The following FRMPD4 variants were observed in gnomAD, a reference collection of about 807,000 sequenced individuals.
FRMPD4 encodes FERM and PDZ domain-containing protein 4.
A neutral mutation model predicts 94.1 loss-of-function variants in FRMPD4; 22 were observed. That is an observed-to-expected ratio of 0.23 (90% CI 0.17 to 0.33). The LOEUF (loss-of-function observed/expected upper bound fraction) is 0.33, where lower values mean the gene tolerates loss of function less well. FRMPD4 is among the 10% of genes least tolerant of loss of function. The probability of loss-of-function intolerance (pLI) is 1.00; values close to 1 mark genes in which losing one functional copy is unlikely to be tolerated. For synonymous variants in FRMPD4, 631 were observed against 548.6 expected (o/e 1.15, Z -2.10); for missense variants, 1,111 against 1,339.9 (o/e 0.83, Z 2.67).
intron 3 of FRMPD4, among the ~76,000 whole-genome samples, chrX:11,990,281 T>C (rs6639118): frequency 0.064 from 7,159 of 111,572 alleles, 252 homozygotes; most frequent in East Asian, 0.23. Flanking sequence ...AGAAAGCAGA[T>C]TAATGGTTTC....
intron 1 of FRMPD4, among the ~76,000 whole-genome samples, chrX:12,453,979 A>G (rs16998935): frequency 0.027 from 3,014 of 112,341 alleles, 118 homozygotes; most frequent in African/African-American, 0.093. Context: ...CACATGTTCT[A>G]TTTTGTAAAT....
rs1294514724 is a variant in FRMPD4, at chrX:12,690,308, A to G, written c.795A>G (p.Glu265=). Residue 265 remains glutamate, a synonymous_variant, in exon 8 of 17, where the codon GAA becomes GAG. Transcript: ENST00000675598. ...GAACGAAGCTGCTCTTGCTTCATGA[A>G]CAGGAGACTCTAACTCAGGTCTGTG... ...GAGTKLLLLH[E]QETLTQVTQR... 7.5e-6 allele frequency: 9 copies of G among 1,207,986 alleles called. No homozygotes were observed. The highest frequency in any genetic ancestry group is 1.0e-5 in the Non-Finnish European group (9 of 893,513).
chrX:12,092,931 A>G (rs953391553), intron 3 of FRMPD4, among the ~76,000 whole-genome samples: 1 of 111,772 alleles, frequency 8.9e-6, no homozygotes, highest in Admixed American at 9.5e-5. Context: ...AGGTGGTTAG[A>G]ATAGGTCTGC....
At chrX:12,509,306 G>A (rs940620293) in intron 2 of FRMPD4, among the ~76,000 whole-genome samples, 5 of 111,732 alleles carry the variant, frequency 4.5e-5, no homozygotes, top group Admixed American at 3.8e-4. Flanking sequence ...AGCACAATTC[G>A]CAATTCCAAA....
chrX:12,347,371 A>G (rs1260797689), intron 1 of FRMPD4, among the ~76,000 whole-genome samples: 2 of 110,216 alleles, frequency 1.8e-5, no homozygotes, highest in Non-Finnish European at 3.8e-5. Context: ...TCAAGTAGCT[A>G]GGTCTACAGG....
At chrX:12,139,550 T>C (rs143568147) in intron 1 of FRMPD4, among the ~76,000 whole-genome samples, 3 of 95,404 alleles carry the variant, frequency 3.1e-5, no homozygotes, top group Admixed American at 1.1e-4. Flanking sequence ...CTTTTTTTTT[T>C]TGGGGGGGGG....
intron 3 of FRMPD4, among the ~76,000 whole-genome samples, chrX:12,109,123 C>A (rs1016678316): frequency 8.9e-6 from 1 of 111,846 alleles, no homozygotes; most frequent in African/African-American, 3.3e-5. Context: ...AATATATATT[C>A]CTCTCAGCAC....
chrX:12,160,789 T>G (rs895279761), intron 1 of FRMPD4, among the ~76,000 whole-genome samples: 8 of 111,457 alleles, frequency 7.2e-5, no homozygotes, highest in Non-Finnish European at 1.5e-4. Flanking sequence ...ATTTCATTAT[T>G]TGGATTGACT....
chrX:12,494,974 T>A (rs1217749121), intron 1 of FRMPD4: 2 of 656,397 alleles, frequency 3.0e-6, no homozygotes, highest in Non-Finnish European at 3.6e-6. Flanking sequence ...CAGATAGAAG[T>A]CACAGGACAT....
At chrX:12,561,546 G>T (rs868149683) in intron 2 of FRMPD4, among the ~76,000 whole-genome samples, 1 of 108,417 alleles carries the variant, frequency 9.2e-6, no homozygotes, top group East Asian at 2.8e-4. Flanking sequence ...TCCCATAAAA[G>T]ATTTTTAAAA....
chrX:12,108,961 CACA>C (rs1273093726), intron 3 of FRMPD4, among the ~76,000 whole-genome samples: 1 of 111,526 alleles, frequency 9.0e-6, no homozygotes, highest in Non-Finnish European at 1.9e-5. Context: ...TAGACTCCCA[CACA>C]ACAATAGTGG....
intron 14 of FRMPD4, among the ~76,000 whole-genome samples, chrX:12,712,301 T>A (rs1338287698): frequency 9.1e-6 from 1 of 110,303 alleles, no homozygotes; most frequent in African/African-American, 3.3e-5. Flanking sequence ...ATAATCCCAG[T>A]GCTTTGGGAG....
chrX:12,702,432 A>C (rs2041803534), intron 10 of FRMPD4, among the ~76,000 whole-genome samples: 1 of 111,974 alleles, frequency 8.9e-6, no homozygotes, highest in Non-Finnish European at 1.9e-5. Flanking sequence ...TATAGGATTC[A>C]AACCCAGGCA....
At chrX:11,823,496 T>C (rs2053423689) in intron 1 of FRMPD4, among the ~76,000 whole-genome samples, 1 of 110,742 alleles carries the variant, frequency 9.0e-6, no homozygotes, top group Non-Finnish European at 1.9e-5. Flanking sequence ...CTGAAATCTA[T>C]ATTTCTTTTC....
At position 12,082,497 on chromosome X, in the gene FRMPD4, G is replaced by A. The variant is rs570751586; in HGVS notation, c.95+204479G>A. On this transcript the variant is annotated intron_variant, in intron 3 of 18. Transcript: ENST00000640291. ...CCAGTTTTGGGGATGTCTTTATCAGGAGAATGAAAATGAGCTAATACAGTA... is the reference window on the plus strand; with the variant it reads ...CCAGTTTTGGGGATGTCTTTATCAGAAGAATGAAAATGAGCTAATACAGTA... 9.8e-5 allele frequency among the ~76,000 whole-genome samples: 11 copies of A among 111,768 alleles called. No individual in the cohort carries two copies. In the South Asian group the frequency reaches 4.2e-3, roughly 43 times the overall value.
At chrX:12,108,758 G>T (rs1476833055) in intron 3 of FRMPD4, among the ~76,000 whole-genome samples, 4 of 111,563 alleles carry the variant, frequency 3.6e-5, no homozygotes, top group Admixed American at 2.9e-4. Context: ...AACAAAAAAA[G>T]ACAGGGGTTG....
chrX:12,051,550 C>T (rs1460972314), intron 3 of FRMPD4, among the ~76,000 whole-genome samples: 1 of 112,132 alleles, frequency 8.9e-6, no homozygotes, highest in Non-Finnish European at 1.9e-5. Flanking sequence ...CTTGAACTTA[C>T]TTGAAGCTTT....
intron 3 of FRMPD4, among the ~76,000 whole-genome samples, chrX:12,133,228 A>ATTTTT (rs1243178493): frequency 9.4e-6 from 1 of 106,390 alleles, no homozygotes; most frequent in Admixed American, 1.0e-4. Context: ...ATTTTATTTT[A>ATTTTT]TTTTATTTTA....
chrX:12,370,404 A>G (rs746276434), intron 1 of FRMPD4, among the ~76,000 whole-genome samples: 3 of 112,703 alleles, frequency 2.7e-5, no homozygotes, highest in Non-Finnish European at 5.6e-5. Flanking sequence ...ATTGGGAGTT[A>G]TTCTAGCTAT....
Sources: allele counts gnomAD v4.1 joint callset (sites outside exome capture counted in the v4.1 genomes callset), GRCh38; gene constraint gnomAD v4.1.1; transcripts MANE v1.5; gene names NCBI Gene and HGNC (gene_info 2026-07-23, HGNC 2026-07-21).